Variants in ZNF605 observed in about 807,000 individuals in gnomAD.
ZNF605 encodes zinc finger protein 605.
A neutral mutation model predicts 7.9 loss-of-function variants in ZNF605; 9 were observed. That is an observed-to-expected ratio of 1.14 (90% CI 0.68 to 1.98). The LOEUF (loss-of-function observed/expected upper bound fraction) is 1.98, where lower values mean the gene tolerates loss of function less well. Ranked by LOEUF, ZNF605 falls within the 30% of genes most tolerant of loss-of-function variation. ZNF605 has a pLI of 0.00. For missense variants in ZNF605, 673 were observed against 762.4 expected, an observed-to-expected ratio of 0.88 and a Z score of 1.38; for synonymous variants, 255 against 260.1, an observed-to-expected ratio of 0.98 and a Z score of 0.19.
rs1952323231 is a variant in ZNF605 at position 132,933,091 on chromosome 12, T to A, written c.80A>T (p.Gln27Leu). 1 of 1,611,890 alleles carries A rather than the reference T, an allele frequency of 6.2e-7. No individual in the cohort carries two copies. Among genetic ancestry groups the A allele is most frequent in the Admixed American group, 1.7e-5 (1 of 59,790 alleles). ...LEEWQLLNPT[Q>L]KNLYRDVMLE... is the part of the protein sequence containing the mutation. Reference sequence around the variant, plus strand: ...CATCACATCTCTGTACAAGTTCTTCTGAGTAGGATTAAGTAGCTGCCATTC... The same window carrying A: ...CATCACATCTCTGTACAAGTTCTTCAGAGTAGGATTAAGTAGCTGCCATTC... The change falls in exon 4 of 5, where the codon CAG (glutamine) becomes CTG (leucine). Residue 27 changes from glutamine to leucine, a missense_variant. Gln to Leu is a moderately radical substitution (Grantham distance 113). Coordinates refer to ENST00000360187, the MANE Select transcript of ZNF605 (RefSeq NM_183238.4). The surrounding 1 kb of genome is among the most constrained non-coding windows in gnomAD (Gnocchi z 4.4).
chr12:132,935,474 T>C (rs1593587611), intron 3 of ZNF605, among the ~76,000 whole-genome samples: 1 of 152,076 alleles, frequency 6.6e-6, no homozygotes, highest in Non-Finnish European at 1.5e-5. Context: ...GAGGGGGCCA[T>C]GCATTCAGGC....
At chr12:132,939,528 G>C (rs1485677722) in intron 3 of ZNF605, among the ~76,000 whole-genome samples, 164 of 152,128 alleles carry the variant, frequency 1.1e-3, no homozygotes, top group African/African-American at 3.9e-3. Flanking sequence ...CCTGTGTGTG[G>C]AAACTCTGTA....
intron 2 of ZNF605, 99 bp from the exon 3 acceptor site, chr12:132,945,896 C>T (rs935882201): frequency 1.5e-5 from 9 of 609,228 alleles, no homozygotes; most frequent in East Asian, 5.5e-5. Flanking sequence ...TTTAAAGTCT[C>T]GAACTAGATG....
intron 3 of ZNF605, among the ~76,000 whole-genome samples, chr12:132,943,822 C>T (rs1399650392): frequency 1.3e-5 from 2 of 152,212 alleles, no homozygotes; most frequent in South Asian, 4.1e-4. Context: ...ACCAAAGCGA[C>T]TCCATCTTGA....
intron 3 of ZNF605, among the ~76,000 whole-genome samples, chr12:132,934,632 G>C (rs1952343660): frequency 6.8e-6 from 1 of 147,712 alleles, no homozygotes. Flanking sequence ...CTTGAACCCA[G>C]AAGGTAGAGG....
intron 3 of ZNF605, among the ~76,000 whole-genome samples, chr12:132,938,039 G>C (rs1446960000): frequency 6.6e-6 from 1 of 152,246 alleles, no homozygotes; most frequent in Non-Finnish European, 1.5e-5. Context: ...GGAGTGCAGT[G>C]GCGCGATCTC....
chr12:132,934,149 G>A (rs1952335187), intron 3 of ZNF605, among the ~76,000 whole-genome samples: 1 of 151,820 alleles, frequency 6.6e-6, no homozygotes, highest in Non-Finnish European at 1.5e-5. Context: ...GGTGGTGGTG[G>A]GCACCTGCAA....
At position 132,927,119 on chromosome 12, in the gene ZNF605, T is replaced by A; in HGVS notation, c.180A>T (p.Gln60His). ...DNPKMWLRDNQDNLKSMERGH... is the reference protein window; with the variant it reads ...DNPKMWLRDNHDNLKSMERGH... ...CTCTCTCCATACTTTTAAGGTTGTC[T>A]TGATTATCTCGGAGCCACATTTTGG... Residue 60 changes from glutamine (Q) to histidine (H), a missense_variant, in exon 5 of 5, where the codon CAA becomes CAT. Physicochemically the swap from Gln to His is conservative, Grantham distance 24. Transcript: ENST00000360187. The A allele has an allele frequency of 1.9e-6, 3 of 1,582,714 alleles. No homozygotes were observed. Among genetic ancestry groups the A allele is most frequent in the Non-Finnish European group, 2.6e-6 (3 of 1,174,582 alleles).
At chr12:132,952,528 T>C (rs1396337070) in intron 1 of ZNF605, among the ~76,000 whole-genome samples, 4 of 150,608 alleles carry the variant, frequency 2.7e-5, no homozygotes, top group African/African-American at 7.3e-5. Flanking sequence ...CCAGACGTCG[T>C]AGAGGCTTGT....
intron 4 of ZNF605, among the ~76,000 whole-genome samples, chr12:132,929,310 G>A (rs1403083443): frequency 6.6e-6 from 1 of 152,158 alleles, no homozygotes; most frequent in Non-Finnish European, 1.5e-5. Flanking sequence ...GGGAGGCTGA[G>A]GTGGGAGGAG....
intron 3 of ZNF605, among the ~76,000 whole-genome samples, chr12:132,943,746 C>G (rs1593597481): frequency 6.6e-6 from 1 of 151,780 alleles, no homozygotes; most frequent in East Asian, 1.9e-4. Context: ...GCTCCCTCGG[C>G]TGAGGGCAAA....
At position 132,926,241 on chromosome 12, in the gene ZNF605, A is replaced by T; in HGVS notation, c.1058T>A (p.Ile353Asn). 1 of 1,614,122 alleles carries T rather than the reference A, an allele frequency of 6.2e-7. No homozygotes were observed. The highest frequency in any genetic ancestry group is 8.5e-7 in the Non-Finnish European group (1 of 1,180,018). The change falls in exon 5 of 5, where the codon ATT becomes AAT. Residue 353 changes from isoleucine (I) to asparagine (N), a missense_variant. By Grantham distance (149) the Ile-to-Asn change is moderately radical. Transcript: ENST00000360187. The stretch of plus-strand genomic sequence containing the variant: ...TCCTGTATGAATCCTCTGATGCCTA[A>T]TGAGAAGTGAGTTCCTGCTGAAGGC... ...QKAFSRNSLL[I>N]RHQRIHTGEK... is the part of the protein sequence containing the mutation.
chr12:132,934,364 G>T (rs1952339401), intron 3 of ZNF605, among the ~76,000 whole-genome samples: 1 of 152,004 alleles, frequency 6.6e-6, no homozygotes, highest in Non-Finnish European at 1.5e-5. Context: ...GTAAGAACTG[G>T]CCAGCTATTT....
At chr12:132,936,928 G>C (rs971067637) in intron 3 of ZNF605, among the ~76,000 whole-genome samples, 5 of 152,090 alleles carry the variant, frequency 3.3e-5, no homozygotes, top group Non-Finnish European at 7.3e-5. Flanking sequence ...GAGAAGGCAC[G>C]GCACAGACTA....
At chr12:132,954,571 A>C (rs1389097785) in intron 1 of ZNF605, among the ~76,000 whole-genome samples, 1 of 144,902 alleles carries the variant, frequency 6.9e-6, no homozygotes, top group African/African-American at 2.6e-5. Context: ...CCTGTAACTG[A>C]CATTCTGAGG....
chr12:132,929,035 A>G (rs144672423), intron 4 of ZNF605, among the ~76,000 whole-genome samples: 1 of 14,712 alleles, frequency 6.8e-5, no homozygotes, highest in African/African-American at 9.4e-5. Flanking sequence ...AAAACAAAAC[A>G]AAACAAAACA....
Position 132,941,110 on chromosome 12 carries a change from C to T in ZNF605, c.15+4511G>A, listed in dbSNP as rs1272545763. ...AAGACTCCAGTGCTGACCCAGGAAA[C>T]ACAACCACCCAACTGCGCTTGCTAA... On this transcript the variant is annotated intron_variant, in intron 3 of 4. Transcript: ENST00000360187. This position sits in a 1 kb window ranked among gnomAD's most constrained non-coding sequence, Gnocchi z 5.1. 6.6e-6 allele frequency among the ~76,000 whole-genome samples: 1 copy of T among 152,102 alleles called. No individual in the cohort carries two copies. Among genetic ancestry groups the T allele is most frequent in the Non-Finnish European group, 1.5e-5 (1 of 68,012 alleles).
At position 132,945,846 on chromosome 12, in the gene ZNF605, A is replaced by G. The variant is rs1279796479; in HGVS notation, c.-162-49T>C. On this transcript the variant is annotated intron_variant, in intron 2 of 4. Transcript: ENST00000360187. ...TTTTAGATGATCTAATTAATTTGGG[A>G]ACCTAAATCTTGGTGTTCTCTTGCT... is the stretch of plus-strand genomic sequence containing the variant. 137 of 696,506 alleles carry G rather than the reference A, an allele frequency of 2.0e-4. 1 individual carries two copies. In the East Asian group the frequency reaches 3.4e-3, roughly 17 times the overall value. The allele number at this position is 696,506 out of a possible 1,614,324, so 43.1% of individuals were successfully genotyped here. A position where few individuals can be genotyped will look rare whatever the true frequency, so the allele number is the denominator to read the frequency against.
chr12:132,955,870 C>T (rs938094431), intron 1 of ZNF605, among the ~76,000 whole-genome samples: 7 of 152,082 alleles, frequency 4.6e-5, no homozygotes, highest in African/African-American at 1.7e-4. Flanking sequence ...AACCTCGCGT[C>T]CCCTTGCCCC....
Sources: allele counts gnomAD v4.1 joint callset (sites outside exome capture counted in the v4.1 genomes callset), GRCh38; gene constraint gnomAD v4.1.1; non-coding constraint Gnocchi (gnomAD v3.1); transcripts MANE v1.5; gene names NCBI Gene and HGNC (gene_info 2026-07-23, HGNC 2026-07-21).